CFAP299: variants seen among roughly 807,000 people sequenced by gnomAD.
The protein encoded by CFAP299 is cilia and flagella associated protein 299, also known as cilia- and flagella-associated protein 299.
In CFAP299, 21 loss-of-function variants were observed where a neutral mutation model predicts 27.0. The observed-to-expected ratio is 0.78, with a 90% CI of 0.55 to 1.12. CFAP299 has a LOEUF of 1.12. CFAP299 is among the 50% of genes most tolerant of loss of function. The pLI is 0.00. For missense variants in CFAP299, 310 were observed against 276.6 expected (o/e 1.12, Z -0.86); for synonymous variants, 104 against 98.1 (o/e 1.06, Z -0.36).
At chr4:80,793,196 G>A (rs1228992854) in intron 3 of CFAP299, among the ~76,000 whole-genome samples, 1 of 151,796 alleles carries the variant, frequency 6.6e-6, no homozygotes, top group Non-Finnish European at 1.5e-5. Context: ...GCAAGCTGAG[G>A]AGCAAGGAGA....
rs148860699 is a variant in CFAP299 at position 80,904,389 on chromosome 4, A to G, written c.476+34254A>G. Among the ~76,000 whole-genome samples the G allele has an allele frequency of 4.6e-3, 697 of 151,748 alleles. 2 individuals carry two copies. Among genetic ancestry groups the G allele is most frequent in the African/African-American group, 0.016 (643 of 41,358 alleles). ...TAGAAATACCTACCTCTCTCTCTCC[A>G]CCCCAGGTCCTAGTCAGATTGGCAG... On this transcript the variant is annotated intron_variant, in intron 4 of 5. Transcript: ENST00000358105.
At chr4:80,505,991 T>A (rs1335403895) in intron 2 of CFAP299, among the ~76,000 whole-genome samples, 1 of 149,896 alleles carries the variant, frequency 6.7e-6, no homozygotes, top group African/African-American at 2.5e-5. Flanking sequence ...CACACACACG[T>A]GTGTGCGTGT....
intron 3 of CFAP299, among the ~76,000 whole-genome samples, chr4:80,749,617 C>A (rs547195243): frequency 6.6e-6 from 1 of 152,164 alleles, no homozygotes; most frequent in Non-Finnish European, 1.5e-5. Context: ...GTGCCAAGAG[C>A]CACTGGCAAA....
chr4:80,826,033 A>G (rs1448784641), intron 3 of CFAP299, among the ~76,000 whole-genome samples: 1 of 151,918 alleles, frequency 6.6e-6, no homozygotes, highest in Non-Finnish European at 1.5e-5. Context: ...ATTAGTTTAT[A>G]TTTTTGAGCA....
At chr4:80,657,500 CT>C (rs545650207) in intron 3 of CFAP299, among the ~76,000 whole-genome samples, 3 of 151,762 alleles carry the variant, frequency 2.0e-5, no homozygotes, top group Admixed American at 6.6e-5. Flanking sequence ...TTCCCCATTG[CT>C]TTTTTTTGTC....
chr4:80,538,558 T>A (rs1411841470), intron 2 of CFAP299, among the ~76,000 whole-genome samples: 1 of 152,122 alleles, frequency 6.6e-6, no homozygotes, highest in African/African-American at 2.4e-5. Flanking sequence ...AGGTGTACCA[T>A]TTTTTATCTT....
intron 1 of CFAP299, among the ~76,000 whole-genome samples, chr4:80,349,961 G>A (rs1722940417): frequency 6.6e-6 from 1 of 151,956 alleles, no homozygotes; most frequent in South Asian, 2.1e-4. Context: ...TATCTACAAT[G>A]AACATACAAG....
chr4:80,903,279 T>C (rs1035913348), intron 4 of CFAP299, among the ~76,000 whole-genome samples: 2 of 152,202 alleles, frequency 1.3e-5, no homozygotes, highest in Non-Finnish European at 2.9e-5. Context: ...GAGAGATTTT[T>C]CCTGTTGGCT....
chr4:80,692,785 G>A (rs146717723), intron 3 of CFAP299, among the ~76,000 whole-genome samples: 1,658 of 152,160 alleles, frequency 0.011, 34 homozygotes, highest in African/African-American at 0.036. Context: ...GAAAATTTTC[G>A]CAACCTACTC....
chr4:80,664,912 G>T (rs568554588), intron 3 of CFAP299, among the ~76,000 whole-genome samples: 2 of 152,180 alleles, frequency 1.3e-5, no homozygotes, highest in African/African-American at 4.8e-5. Context: ...TGGGAAAAGC[G>T]TAGTTTCTGG....
chr4:80,475,174 G>C (rs1386314575), intron 2 of CFAP299, among the ~76,000 whole-genome samples: 1 of 152,190 alleles, frequency 6.6e-6, no homozygotes, highest in Admixed American at 6.5e-5. Context: ...TGCCAGTGTG[G>C]TATGGAAGTT....
At chr4:80,334,843 A>G (rs1166823042), upstream of CFAP299, among the ~76,000 whole-genome samples, 1 of 152,226 alleles carries the variant, frequency 6.6e-6, no homozygotes, top group Non-Finnish European at 1.5e-5. Flanking sequence ...TGTTTTCATT[A>G]AAATTTTGTT....
intron 2 of CFAP299, among the ~76,000 whole-genome samples, chr4:80,575,008 A>G (rs1033323562): frequency 5.9e-5 from 9 of 151,998 alleles, no homozygotes; most frequent in Admixed American, 5.2e-4. Context: ...ATCCTTTTCT[A>G]TTTTTCAGAA....
intron 2 of CFAP299, among the ~76,000 whole-genome samples, chr4:80,528,541 C>T (rs1163230025): frequency 6.6e-6 from 1 of 152,064 alleles, no homozygotes; most frequent in African/African-American, 2.4e-5. Context: ...ACTTGCTTTT[C>T]TTCTCTTATC....
chr4:80,324,551 A>G, the CFAP299 span, among the ~76,000 whole-genome samples: 2 of 152,194 alleles, frequency 1.3e-5, no homozygotes, highest in Admixed American at 1.3e-4. Context: ...GTCACATTTT[A>G]AAGCTTTGGT....
At chr4:80,958,121 T>A (rs145938468) in intron 5 of CFAP299, among the ~76,000 whole-genome samples, 28 of 152,238 alleles carry the variant, frequency 1.8e-4, no homozygotes, top group African/African-American at 6.7e-4. Context: ...CTGTAAAACC[T>A]GTAACTTTGG....
intron 3 of CFAP299, among the ~76,000 whole-genome samples, chr4:80,756,950 T>C (rs1292134433): frequency 1.3e-5 from 2 of 152,198 alleles, no homozygotes; most frequent in South Asian, 2.1e-4. Context: ...ATTTACAAAA[T>C]AATGTATTTG....
intron 3 of CFAP299, among the ~76,000 whole-genome samples, chr4:80,690,824 A>T (rs1464139963): frequency 6.6e-6 from 1 of 151,252 alleles, no homozygotes; most frequent in Non-Finnish European, 1.5e-5. Context: ...AAAAGAGAGA[A>T]GAATCAAATA....
chr4:80,324,043 T>C, the CFAP299 span, among the ~76,000 whole-genome samples: 2 of 152,186 alleles, frequency 1.3e-5, no homozygotes, highest in Non-Finnish European at 2.9e-5. Context: ...TAGGTATACA[T>C]GTGCCATGGT....
Sources: gnomAD v4.1 joint callset for allele counts (sites outside exome capture counted in the v4.1 genomes callset) on GRCh38, gnomAD v4.1.1 for gene constraint, MANE v1.5 for transcripts, NCBI Gene and HGNC (gene_info 2026-07-23, HGNC 2026-07-21) for gene names.